The following ZFYVE9 variants were observed in gnomAD, a reference collection of about 807,000 sequenced individuals.
The protein encoded by ZFYVE9 is zinc finger FYVE domain-containing protein 9.
Under a neutral mutation model 126.7 loss-of-function variants are expected in ZFYVE9, and 43 were observed. The observed-to-expected ratio is 0.34, with a 90% CI of 0.27 to 0.44. The LOEUF (loss-of-function observed/expected upper bound fraction) is 0.44, where lower values mean the gene tolerates loss of function less well. ZFYVE9 is among the 20% of genes least tolerant of loss of function. ZFYVE9 has a pLI of 1.00. For missense variants in ZFYVE9, 1,476 were observed against 1,697.0 expected, an observed-to-expected ratio of 0.87 and a Z score of 2.29; for synonymous variants, 521 against 597.4, an observed-to-expected ratio of 0.87 and a Z score of 1.87.
In ZFYVE9 at chr1:52,259,283, C is replaced by T. The variant is rs1308359227; in HGVS notation, c.2179-4490C>T. The stretch of plus-strand genomic sequence containing the variant: ...ACCCTAATCACTTCATTTTGATTAC[C>T]TCTGTAGAGACCCTATCTTCAAATA... On this transcript the variant is annotated intron_variant, in intron 4 of 18. Transcript: ENST00000287727. Among the ~76,000 whole-genome samples the T allele has an allele frequency of 2.0e-5, 3 of 151,916 alleles. No homozygotes were observed. In the East Asian group the frequency reaches 5.8e-4, roughly 29 times the overall value.
At chr1:52,320,516 T>A (rs1646229416) in intron 13 of ZFYVE9, among the ~76,000 whole-genome samples, 1 of 152,258 alleles carries the variant, frequency 6.6e-6, no homozygotes, top group Non-Finnish European at 1.5e-5. Flanking sequence ...GCCAAGGCAG[T>A]TCATTAGCAA....
intron 13 of ZFYVE9, among the ~76,000 whole-genome samples, chr1:52,305,589 C>T (rs1390567333): frequency 6.6e-6 from 1 of 152,042 alleles, no homozygotes; most frequent in Non-Finnish European, 1.5e-5. Flanking sequence ...CCTGTAGGAG[C>T]CGGGGACAAG....
At chr1:52,324,768 C>CT (rs1428205346) in intron 13 of ZFYVE9, among the ~76,000 whole-genome samples, 43 of 152,142 alleles carry the variant, frequency 2.8e-4, no homozygotes, top group Admixed American at 3.3e-4. Context: ...TTTTTCACAC[C>CT]TTTGTACTGG....
chr1:52,293,765 G>A, intron 11 of ZFYVE9, 88 bp downstream of exon 11: 1 of 1,277,550 alleles, frequency 7.8e-7, no homozygotes, highest in Non-Finnish European at 1.1e-6. Context: ...ATATAATTCA[G>A]CAGAAATAGT....
chr1:52,159,696 G>A (rs1404457141), intron 1 of ZFYVE9, among the ~76,000 whole-genome samples: 3 of 152,190 alleles, frequency 2.0e-5, no homozygotes, highest in African/African-American at 7.2e-5. Flanking sequence ...AAGCTTATTG[G>A]AAAGTTATTT....
intron 10 of ZFYVE9, among the ~76,000 whole-genome samples, chr1:52,288,321 G>A (rs114859758): frequency 0.011 from 1,625 of 152,250 alleles, 23 homozygotes; most frequent in African/African-American, 0.036. Flanking sequence ...AGAGATAGAA[G>A]TCTTGCTCTG....
intron 13 of ZFYVE9, among the ~76,000 whole-genome samples, chr1:52,311,864 C>T (rs910830790): frequency 6.6e-5 from 10 of 151,960 alleles, no homozygotes; most frequent in African/African-American, 2.2e-4. Flanking sequence ...AATCTTGGCT[C>T]AGTGCAACTT....
At chr1:52,301,889 A>T (rs948649040) in intron 12 of ZFYVE9, among the ~76,000 whole-genome samples, 1 of 152,088 alleles carries the variant, frequency 6.6e-6, no homozygotes, top group Middle Eastern at 3.4e-3. Context: ...TTCATTTAGG[A>T]TGAATTTTAT....
At chr1:52,305,573 G>C (rs1022381068) in intron 13 of ZFYVE9, among the ~76,000 whole-genome samples, 1 of 152,164 alleles carries the variant, frequency 6.6e-6, no homozygotes, top group Admixed American at 6.5e-5. Context: ...TGCATACTCC[G>C]TGGAGCCTGT....
In ZFYVE9 at chr1:52,263,093, A is replaced by AAAAAG. The variant is rs1036521943; in HGVS notation, c.2179-671_2179-667dup. Among the ~76,000 whole-genome samples the AAAAAG allele has an allele frequency of 1.1e-4, 16 of 150,838 alleles. 1 individual carries two copies. The East Asian group carries it at 1.6e-3, about 15-fold the overall frequency. Reference sequence around the variant, plus strand: ...AATTGTGTCTCAAAAAAAAAAAAAAAAAAAGAAAAGAAATCTTAACAGGAA... The same window carrying AAAAAG: ...AATTGTGTCTCAAAAAAAAAAAAAAAAAAAGAAAAGAAAAGAAATCTTAACAGGAA... On this transcript the variant is annotated intron_variant, in intron 4 of 18. Transcript: ENST00000287727.
intron 13 of ZFYVE9, among the ~76,000 whole-genome samples, chr1:52,331,159 G>A (rs1039158866): frequency 2.3e-4 from 35 of 152,200 alleles, no homozygotes; most frequent in Admixed American, 1.7e-3. Context: ...GTGAGCCACC[G>A]GGCCTGGCCT....
chr1:52,265,643 T>G (rs115385649), intron 5 of ZFYVE9, among the ~76,000 whole-genome samples: 1,869 of 152,302 alleles, frequency 0.012, 33 homozygotes, highest in African/African-American at 0.043. Flanking sequence ...TATTGGCACA[T>G]TTTCATGTTC....
chr1:52,341,552 CT>C (rs1462315440), intron 17 of ZFYVE9, among the ~76,000 whole-genome samples: 2 of 152,160 alleles, frequency 1.3e-5, no homozygotes, highest in Non-Finnish European at 2.9e-5. Flanking sequence ...CCCTTTATTA[CT>C]TTTGAACCTC....
At chr1:52,219,918 C>T (rs1302351534) in intron 2 of ZFYVE9, among the ~76,000 whole-genome samples, 1 of 151,944 alleles carries the variant, frequency 6.6e-6, no homozygotes, top group Non-Finnish European at 1.5e-5. Flanking sequence ...GCTGGGACTA[C>T]AGGCACCAGC....
chr1:52,226,472 G>T (rs1341945608), intron 2 of ZFYVE9, among the ~76,000 whole-genome samples: 1 of 152,108 alleles, frequency 6.6e-6, no homozygotes, highest in African/African-American at 2.4e-5. Flanking sequence ...GGAGGCAGAG[G>T]TTGCAGTGAG....
At chr1:52,341,643 A>G (rs889895322) in intron 17 of ZFYVE9, among the ~76,000 whole-genome samples, 11 of 152,184 alleles carry the variant, frequency 7.2e-5, no homozygotes, top group Non-Finnish European at 1.6e-4. Flanking sequence ...GTTTTTTTAA[A>G]AAAATTCTAC....
At chr1:52,192,761 A>G (rs1644827496) in intron 1 of ZFYVE9, among the ~76,000 whole-genome samples, 1 of 152,262 alleles carries the variant, frequency 6.6e-6, no homozygotes, top group Non-Finnish European at 1.5e-5. Flanking sequence ...AAGAATTTGA[A>G]CAGGAGGTCA....
chr1:52,202,699 T>C (rs139952832), intron 1 of ZFYVE9, among the ~76,000 whole-genome samples: 2,052 of 151,864 alleles, frequency 0.014, 70 homozygotes, highest in African/African-American at 0.047. Context: ...TTTATTTATT[T>C]TTTTGAGATG....
At chr1:52,293,999 C>T (rs1189139949) in intron 11 of ZFYVE9, among the ~76,000 whole-genome samples, 1 of 152,144 alleles carries the variant, frequency 6.6e-6, no homozygotes, top group Non-Finnish European at 1.5e-5. Context: ...TTCTTTGTCA[C>T]TTGGTTGGAA....
Sources: allele counts gnomAD v4.1 joint callset (sites outside exome capture counted in the v4.1 genomes callset), GRCh38; gene constraint gnomAD v4.1.1; transcripts MANE v1.5; gene names NCBI Gene and HGNC (gene_info 2026-07-23, HGNC 2026-07-21).